Variants in DAPK2 observed in about 807,000 individuals in gnomAD.
DAPK2 encodes the protein death associated protein kinase 2.
Under a neutral mutation model 44.1 loss-of-function variants are expected in DAPK2, and 35 were observed. The ratio of observed to expected loss-of-function variants is 0.79; its 90% CI spans 0.61 to 1.05. The LOEUF (loss-of-function observed/expected upper bound fraction) is 1.05. DAPK2 is among the 50% of genes least tolerant of loss of function. The pLI is 0.00. For synonymous variants in DAPK2, 174 were observed against 182.6 expected (o/e 0.95, Z 0.38); for missense variants, 453 against 483.2 (o/e 0.94, Z 0.59).
intron 6 of DAPK2, among the ~76,000 whole-genome samples, chr15:63,929,217 G>A (rs2079431941): frequency 6.7e-6 from 1 of 148,530 alleles, no homozygotes; most frequent in Non-Finnish European, 1.5e-5. Context: ...AAAAAAAAGA[G>A]TTCTGAGTGA....
chr15:64,044,954 A>G (rs575814381), upstream of DAPK2, among the ~76,000 whole-genome samples: 1 of 152,144 alleles, frequency 6.6e-6, no homozygotes, highest in East Asian at 1.9e-4. Flanking sequence ...GGCATTACAG[A>G]GCTCCTCTCT....
intron 3 of DAPK2, among the ~76,000 whole-genome samples, chr15:63,970,291 A>G (rs1055148950): frequency 6.6e-6 from 1 of 152,210 alleles, no homozygotes; most frequent in South Asian, 2.1e-4. Flanking sequence ...CTCAGCACAC[A>G]CTTCCCATGC....
In DAPK2 at chr15:63,912,968, T is replaced by C. The variant is rs2078836239; in HGVS notation, c.859-771A>G. Among the ~76,000 whole-genome samples the C allele has an allele frequency of 6.6e-6, 1 of 152,182 alleles. No homozygotes were observed. The highest frequency in any genetic ancestry group is 1.5e-5 in the Non-Finnish European group (1 of 68,048). ...CAAGAGATAGGTTTCAGGGGTTCTG[T>C]GAACAAAATGTGCCTATATATCCAT... On this transcript the variant is annotated intron_variant, in intron 8 of 10. Transcript: ENST00000261891. This position sits in a 1 kb window ranked among gnomAD's most constrained non-coding sequence, Gnocchi z 4.4.
chr15:64,005,394 C>T (rs2079198919), intron 1 of DAPK2, among the ~76,000 whole-genome samples: 1 of 149,794 alleles, frequency 6.7e-6, no homozygotes, highest in African/African-American at 2.5e-5. Flanking sequence ...GATACAAGAG[C>T]AGAAACTTAC....
In DAPK2 at chr15:63,911,934, C is replaced by T. The variant is rs140149939; in HGVS notation, c.1006G>A (p.Val336Met). 5.6e-5 allele frequency: 90 copies of T among 1,613,926 alleles called. 1 individual carries two copies. The African/African-American group carries it at 9.9e-4, about 18-fold the overall frequency. ...AGGTCCTCATCCGGCCTCAGGTGCA[C>T]CTTCTTCATCAGCGAGCGGGTGAGG... is the stretch of plus-strand genomic sequence containing the variant. The change falls in exon 10 of 11, where the codon GTG (valine) becomes ATG (methionine). Residue 336 changes from valine (V) to methionine (M), a missense_variant. Coordinates refer to ENST00000261891, the Ensembl canonical transcript of DAPK2.
At chr15:63,950,330 C>G (rs2077553944) in intron 3 of DAPK2, among the ~76,000 whole-genome samples, 3 of 152,174 alleles carry the variant, frequency 2.0e-5, no homozygotes, top group Non-Finnish European at 4.4e-5. Context: ...ATCCTCCCAT[C>G]TCAGCCTCTT....
At chr15:63,948,270 C>CAAAAAAAAAAAAAAAAAAAAAAA (rs3056984) in intron 3 of DAPK2, among the ~76,000 whole-genome samples, 1 of 51,920 alleles carries the variant, frequency 1.9e-5, no homozygotes, top group Admixed American at 3.2e-4. Flanking sequence ...GACTCCATCT[C>CAAAAAAAAAAAAAAAAAAAAAAA]AAAAAAAAAA....
At chr15:63,934,164 C>T (rs1229576149) in intron 4 of DAPK2, among the ~76,000 whole-genome samples, 2 of 151,444 alleles carry the variant, frequency 1.3e-5, no homozygotes, top group Admixed American at 6.6e-5. Context: ...CATTTTGATG[C>T]TCCTCGAACA....
chr15:63,944,738 A>T (rs1015059650), intron 3 of DAPK2, among the ~76,000 whole-genome samples: 2 of 152,176 alleles, frequency 1.3e-5, no homozygotes, highest in Non-Finnish European at 2.9e-5. Context: ...TTTCTCCCCA[A>T]CACATCACTG....
At chr15:63,913,232 T>C (rs1282422482) in intron 8 of DAPK2, among the ~76,000 whole-genome samples, 3 of 152,176 alleles carry the variant, frequency 2.0e-5, no homozygotes, top group Non-Finnish European at 4.4e-5. Context: ...CTAAAGGGTA[T>C]GACATTTCTT....
chr15:64,037,494 T>C (rs183607932), intron 1 of DAPK2, among the ~76,000 whole-genome samples: 2 of 152,318 alleles, frequency 1.3e-5, no homozygotes, highest in East Asian at 3.9e-4. Flanking sequence ...TCCTTTAGCA[T>C]CCACTTGTCT....
chr15:63,984,471 G>A (rs188017531), intron 1 of DAPK2, among the ~76,000 whole-genome samples: 1 of 152,306 alleles, frequency 6.6e-6, no homozygotes, highest in East Asian at 1.9e-4. Flanking sequence ...GGAGTCCATG[G>A]CAGAGTGGCA....
chr15:63,956,155 G>A (rs574321899), intron 3 of DAPK2, among the ~76,000 whole-genome samples: 4 of 152,078 alleles, frequency 2.6e-5, no homozygotes, highest in East Asian at 3.9e-4. Context: ...CTCCTTTTTC[G>A]TCTCTGATTT....
intron 1 of DAPK2, among the ~76,000 whole-genome samples, chr15:64,037,120 A>AC (rs752672282): frequency 4.1e-4 from 63 of 152,056 alleles, no homozygotes; most frequent in Non-Finnish European, 6.8e-4. Context: ...CCAAACCCCA[A>AC]CCCATGTGAC....
chr15:63,926,261 A>T (rs1263974338), intron 6 of DAPK2, 168 bp from the exon 8 acceptor site: 8 of 620,298 alleles, frequency 1.3e-5, no homozygotes, highest in Non-Finnish European at 1.4e-5. Context: ...AGCTAAGTCC[A>T]ATTCAATACA....
intron 1 of DAPK2, among the ~76,000 whole-genome samples, chr15:63,993,011 G>C (rs1485130025): frequency 6.6e-6 from 1 of 152,224 alleles, no homozygotes; most frequent in Non-Finnish European, 1.5e-5. Context: ...AGGCTCTCCT[G>C]TTACTGTGGG....
At chr15:63,959,921 A>C (rs1161595150) in intron 3 of DAPK2, among the ~76,000 whole-genome samples, 1 of 152,228 alleles carries the variant, frequency 6.6e-6, no homozygotes, top group Non-Finnish European at 1.5e-5. Flanking sequence ...ATAGTTTCAG[A>C]AGGAATGGTA....
chr15:63,975,508 T>G (rs150665166), intron 2 of DAPK2, among the ~76,000 whole-genome samples: 4,189 of 152,022 alleles, frequency 0.028, 87 homozygotes, highest in South Asian at 0.09. Flanking sequence ...TTGCCCACAG[T>G]CCCATAGCTA....
At chr15:63,960,251 A>G (rs896593760) in intron 3 of DAPK2, among the ~76,000 whole-genome samples, 1 of 151,002 alleles carries the variant, frequency 6.6e-6, no homozygotes, top group African/African-American at 2.4e-5. Flanking sequence ...CTCTTTTCTT[A>G]TTAGCCTTGA....
Sources: allele counts gnomAD v4.1 joint callset (sites outside exome capture counted in the v4.1 genomes callset), GRCh38; gene constraint gnomAD v4.1.1; non-coding constraint Gnocchi (gnomAD v3.1); transcripts MANE v1.5; gene names NCBI Gene and HGNC (gene_info 2026-07-23, HGNC 2026-07-21).